Variants in ZNF346 observed in about 807,000 individuals in gnomAD.
ZNF346 encodes the protein zinc finger protein 346.
In ZNF346, 23 loss-of-function variants were observed where a neutral mutation model predicts 33.7. That is an observed-to-expected ratio of 0.68 (90% CI 0.49 to 0.97). ZNF346 has a LOEUF of 0.97. ZNF346 is among the 50% of genes least tolerant of loss of function. The pLI is 0.00. For missense variants in ZNF346, 340 were observed against 371.1 expected, an observed-to-expected ratio of 0.92 and a Z score of 0.69; for synonymous variants, 134 against 142.4, an observed-to-expected ratio of 0.94 and a Z score of 0.42.
intron 6 of ZNF346, among the ~76,000 whole-genome samples, chr5:177,064,245 A>G (rs1364780217): frequency 6.6e-6 from 1 of 152,260 alleles, no homozygotes. Context: ...ACCTAAAAAC[A>G]TACTTCGGGC....
Position 177,044,415 on chromosome 5 carries a change from C to G in ZNF346, c.399C>G (p.Asn133Lys), listed in dbSNP as rs768954539. Residue 133 changes from asparagine to lysine, a missense_variant, in exon 4 of 7, where the codon AAC (asparagine) becomes AAG (lysine). Physicochemically the swap from Asn to Lys is moderately conservative, Grantham distance 94. Coordinates refer to ENST00000358149, the MANE Select transcript of ZNF346 (RefSeq NM_012279.4). ...AGAGCAGCAGAAGCAAAGACAAGAACCAGTGCTGCCCCATCTGTAACATGA... is the reference window on the plus strand; with the variant it reads ...AGAGCAGCAGAAGCAAAGACAAGAAGCAGTGCTGCCCCATCTGTAACATGA... ...DQKSSRSKDKNQCCPICNMTF... is the reference protein window; with the variant it reads ...DQKSSRSKDKKQCCPICNMTF... 2.5e-6 allele frequency: 4 copies of G among 1,613,994 alleles called. No individual in the cohort carries two copies. In the South Asian group the frequency reaches 4.4e-5, roughly 18 times the overall value.
chr5:177,041,284 C>T, intron 2 of ZNF346, 55 bp downstream of exon 2: 3 of 1,397,602 alleles, frequency 2.1e-6, no homozygotes, highest in Non-Finnish European at 3.0e-6. Flanking sequence ...TGCCAAACCA[C>T]TAATTCTCTC....
chr5:177,024,482 G>C (rs1444607283), intron 1 of ZNF346, among the ~76,000 whole-genome samples: 1 of 152,132 alleles, frequency 6.6e-6, no homozygotes, highest in African/African-American at 2.4e-5. Flanking sequence ...ACAGGCATGA[G>C]CCACCGCACC....
rs911910611 is a variant in ZNF346, at chr5:177,067,335, G to A, written c.*2736G>A. Among the ~76,000 whole-genome samples, 2 of 152,194 alleles carry A rather than the reference G, an allele frequency of 1.3e-5. No individual in the cohort carries two copies. Among genetic ancestry groups the A allele is most frequent in the African/African-American group, 4.8e-5 (2 of 41,450 alleles). ...TCCTTTACTGTAGACAGCCAGATTT[G>A]AGGAAGGGGCCCAGGCAGCCTCAGC... On this transcript the variant is annotated 3_prime_UTR_variant, in exon 7 of 7. Coordinates refer to ENST00000358149, the MANE Select transcript of ZNF346 (RefSeq NM_012279.4).
chr5:177,062,610 A>C (rs1782686593), intron 6 of ZNF346, among the ~76,000 whole-genome samples: 1 of 152,158 alleles, frequency 6.6e-6, no homozygotes, highest in Admixed American at 6.6e-5. Context: ...TCCTGACCTT[A>C]CAGCCTGGTG....
At chr5:177,060,938 ATC>A (rs1171769695) in intron 5 of ZNF346, among the ~76,000 whole-genome samples, 1 of 151,760 alleles carries the variant, frequency 6.6e-6, no homozygotes, top group Non-Finnish European at 1.5e-5. Flanking sequence ...GTGAAACCCC[ATC>A]TCTACTAAAA....
At chr5:177,025,293 A>G (rs985489208) in intron 1 of ZNF346, among the ~76,000 whole-genome samples, 9 of 152,198 alleles carry the variant, frequency 5.9e-5, no homozygotes, top group Non-Finnish European at 1.2e-4. Flanking sequence ...AACACATTCT[A>G]TTAATCCATT....
chr5:177,040,278 T>C (rs1257201736), intron 1 of ZNF346, among the ~76,000 whole-genome samples: 1 of 152,034 alleles, frequency 6.6e-6, no homozygotes, highest in East Asian at 1.9e-4. Context: ...CCAGGCACAA[T>C]AATTTAAGCA....
Position 177,064,657 on chromosome 5 carries a change from G to C in ZNF346, c.*58G>C. The C allele has an allele frequency of 7.1e-7, 1 of 1,401,568 alleles. No homozygotes were observed. The highest frequency in any genetic ancestry group is 1.0e-6 in the Non-Finnish European group (1 of 986,516). The allele number at this position is 1,401,568 out of a possible 1,614,324, so 86.8% of individuals were successfully genotyped here. A position where few individuals can be genotyped will look rare whatever the true frequency, so the allele number is the denominator to read the frequency against. On this transcript the variant is annotated 3_prime_UTR_variant, in exon 7 of 7. Transcript: ENST00000358149. Reference sequence around the variant, plus strand: ...AGCCATGAGCCAGCTTCCCGTGACTGCTCAGCCCTTGGCTCCCTCTTGCTC... The same window carrying C: ...AGCCATGAGCCAGCTTCCCGTGACTCCTCAGCCCTTGGCTCCCTCTTGCTC...
chr5:177,062,735 C>T (rs1782696406), intron 6 of ZNF346, among the ~76,000 whole-genome samples: 1 of 152,148 alleles, frequency 6.6e-6, no homozygotes, highest in South Asian at 2.1e-4. Context: ...AAGTGACTAA[C>T]ATTCATTGAG....
intron 4 of ZNF346, among the ~76,000 whole-genome samples, chr5:177,049,898 G>A (rs546885312): frequency 2.0e-5 from 3 of 152,052 alleles, no homozygotes; most frequent in Admixed American, 6.5e-5. Flanking sequence ...GTGCAGTGGC[G>A]CAATCTCGGC....
intron 5 of ZNF346, among the ~76,000 whole-genome samples, chr5:177,054,555 T>C (rs1165401110): frequency 6.6e-6 from 1 of 151,540 alleles, no homozygotes; most frequent in Admixed American, 6.6e-5. Flanking sequence ...CCCACCACCA[T>C]GCCCGGCTAA....
chr5:177,061,668 G>A (rs1289132428), intron 5 of ZNF346, among the ~76,000 whole-genome samples: 20 of 152,160 alleles, frequency 1.3e-4, no homozygotes, highest in South Asian at 2.1e-4. Context: ...TACTGTTACC[G>A]CAAGCCCTAG....
At chr5:177,027,209 C>T (rs1263771131) in intron 1 of ZNF346, among the ~76,000 whole-genome samples, 1 of 151,724 alleles carries the variant, frequency 6.6e-6, no homozygotes, top group Non-Finnish European at 1.5e-5. Flanking sequence ...CCTGCCAGCA[C>T]ACCCAGCTAA....
At chr5:177,045,360 AT>A (rs769826999) in intron 4 of ZNF346, among the ~76,000 whole-genome samples, 89 of 146,916 alleles carry the variant, frequency 6.1e-4, no homozygotes, top group Admixed American at 9.6e-4. Context: ...ATCACTCATA[AT>A]TTTTTTTTTT....
intron 8 of ZNF346, among the ~76,000 whole-genome samples, chr5:177,074,685 T>C (rs1783660017): frequency 6.6e-6 from 1 of 152,172 alleles, no homozygotes; most frequent in African/African-American, 2.4e-5. Flanking sequence ...TTTCTGTGTC[T>C]TGCAACTGAA....
intron 1 of ZNF346, among the ~76,000 whole-genome samples, chr5:177,024,386 T>C (rs953642162): frequency 1.1e-4 from 16 of 151,906 alleles, no homozygotes; most frequent in African/African-American, 3.9e-4. Flanking sequence ...TTAGTAGAGA[T>C]GGGGTTTCAC....
intron 5 of ZNF346, among the ~76,000 whole-genome samples, chr5:177,059,035 TA>T (rs979624937): frequency 5.3e-5 from 8 of 152,284 alleles, no homozygotes; most frequent in African/African-American, 1.7e-4. Flanking sequence ...GTGCCCGGCC[TA>T]TTTAGGTTTG....
chr5:177,041,979 G>A, intron 3 of ZNF346, 109 bp downstream of exon 3: 2 of 639,016 alleles, frequency 3.1e-6, no homozygotes, highest in South Asian at 2.1e-5. Flanking sequence ...GCCCTGTTGT[G>A]TGACTCGGGC....
Sources: allele counts gnomAD v4.1 joint callset (sites outside exome capture counted in the v4.1 genomes callset), GRCh38; gene constraint gnomAD v4.1.1; transcripts MANE v1.5; gene names NCBI Gene and HGNC (gene_info 2026-07-23, HGNC 2026-07-21).